Variants in ZNF638 observed in about 807,000 individuals in gnomAD.
ZNF638 encodes CTCL tumor antigen se33-1.
A neutral mutation model predicts 195.6 loss-of-function variants in ZNF638; 46 were observed. That is an observed-to-expected ratio of 0.24 (90% CI 0.19 to 0.30). ZNF638 has a LOEUF of 0.30. ZNF638 is among the 10% of genes least tolerant of loss of function. The probability of loss-of-function intolerance (pLI) is 1.00; values close to 1 mark genes in which losing one functional copy is unlikely to be tolerated. For missense variants in ZNF638, 2,440 were observed against 2,325.3 expected, an observed-to-expected ratio of 1.05 and a Z score of -1.01; for synonymous variants, 845 against 772.0, an observed-to-expected ratio of 1.09 and a Z score of -1.57.
chr2:71,366,519 G>GA lies in ZNF638; in HGVS notation c.1995+815dup, dbSNP rs568075850. ...CAAGGTTCAAAATCTCGTAGCTTAG[G>GA]AATTCCAGTGGTTTGGTATTTGATG... On this transcript the variant is annotated intron_variant, in intron 6 of 27. Coordinates refer to ENST00000264447, the MANE Select transcript of ZNF638 (RefSeq NM_014497.5). Among the ~76,000 whole-genome samples the GA allele has an allele frequency of 2.4e-3, 365 of 152,218 alleles. 1 individual carries two copies. Among genetic ancestry groups the GA allele is most frequent in the African/African-American group, 8.5e-3 (353 of 41,530 alleles).
chr2:71,387,386 C>T (rs917674862), intron 10 of ZNF638, among the ~76,000 whole-genome samples: 2 of 151,930 alleles, frequency 1.3e-5, no homozygotes, highest in Admixed American at 1.3e-4. Flanking sequence ...AGTAAAAGCA[C>T]TTTGCTTGGT....
intron 8 of ZNF638, among the ~76,000 whole-genome samples, chr2:71,372,564 A>G (rs1048883639): frequency 6.6e-6 from 1 of 152,178 alleles, no homozygotes. Flanking sequence ...ACCCTCGTCA[A>G]TGCCTCTTTC....
intron 12 of ZNF638, 111 bp downstream of exon 12, chr2:71,398,883 G>T: frequency 1.0e-6 from 1 of 995,028 alleles, no homozygotes; most frequent in Non-Finnish European, 1.5e-6. Flanking sequence ...ATATTTCCTT[G>T]ATATTTAAAA....
intron 8 of ZNF638, among the ~76,000 whole-genome samples, chr2:71,373,437 ATTTTTTTTTTTTTT>A (rs754117239): frequency 1.4e-5 from 1 of 71,012 alleles, no homozygotes; most frequent in African/African-American, 5.6e-5. Context: ...TCAAGTTTGA[ATTTTTTTTTTTTTT>A]TTTTTTTTTT....
intron 10 of ZNF638, among the ~76,000 whole-genome samples, chr2:71,389,149 T>G (rs998153380): frequency 5.3e-5 from 8 of 152,148 alleles, no homozygotes; most frequent in Non-Finnish European, 8.8e-5. Context: ...CTGCCATTAC[T>G]GGGTAAAGAT....
At chr2:71,432,198 A>G (rs1330124507) in intron 26 of ZNF638, among the ~76,000 whole-genome samples, 1 of 151,938 alleles carries the variant, frequency 6.6e-6, no homozygotes, top group African/African-American at 2.4e-5. Context: ...TAAGAGGTTT[A>G]TTTTTATTAT....
At chr2:71,402,618 G>A (rs1057059609) in intron 16 of ZNF638, among the ~76,000 whole-genome samples, 2 of 152,076 alleles carry the variant, frequency 1.3e-5, no homozygotes, top group Non-Finnish European at 2.9e-5. Flanking sequence ...GACTAATGAT[G>A]TCATCAATAC....
At chr2:71,363,628 T>C (rs2670756) in intron 4 of ZNF638, among the ~76,000 whole-genome samples, 141 of 152,254 alleles carry the variant, frequency 9.3e-4, no homozygotes, top group Non-Finnish European at 1.8e-3. Flanking sequence ...TTTCCTAAAT[T>C]CTTTACATAA....
At chr2:71,400,028 A>G (rs2079974697) in intron 13 of ZNF638, 84 bp from the exon 14 acceptor site, 1 of 1,168,080 alleles carries the variant, frequency 8.6e-7, no homozygotes, top group African/African-American at 1.6e-5. Flanking sequence ...TGAAATGTCA[A>G]ACTAGCTTAA....
At chr2:71,382,890 A>G (rs994286596) in intron 10 of ZNF638, among the ~76,000 whole-genome samples, 1 of 152,244 alleles carries the variant, frequency 6.6e-6, no homozygotes, top group Non-Finnish European at 1.5e-5. Context: ...AGACAGACCT[A>G]CTAACATAAT....
At chr2:71,403,112 G>A (rs1239586315) in intron 16 of ZNF638, among the ~76,000 whole-genome samples, 1 of 151,988 alleles carries the variant, frequency 6.6e-6, no homozygotes, top group Non-Finnish European at 1.5e-5. Context: ...GAGACTTAAT[G>A]AAAATACTTT....
At position 71,424,690 on chromosome 2, in the gene ZNF638, C is replaced by G. The variant is rs765609143; in HGVS notation, c.4565C>G (p.Thr1522Ser). The G allele has an allele frequency of 6.2e-7, 1 of 1,613,288 alleles. No individual in the cohort carries two copies. Among genetic ancestry groups the G allele is most frequent in the Non-Finnish European group, 8.5e-7 (1 of 1,179,682 alleles). Residue 1522 changes from threonine to serine, a missense_variant, in exon 23 of 28, where the codon ACT (threonine) becomes AGT (serine). Physicochemically the swap from Thr to Ser is moderately conservative, Grantham distance 58 (BLOSUM62 1). This residue lies in a region of ZNF638 where 1,883 missense variants were observed against 1,739.1 expected (regional missense o/e 1.08). Transcript: ENST00000264447. ...EQNTKNPKSTTGRSSKSKEEP... is the reference protein window; with the variant it reads ...EQNTKNPKSTSGRSSKSKEEP... ...AACACTAAGAATCCTAAAAGCACTACTGGTAGAAGTTCCAAATCTAAAGAG... is the reference window on the plus strand; with the variant it reads ...AACACTAAGAATCCTAAAAGCACTAGTGGTAGAAGTTCCAAATCTAAAGAG...
At chr2:71,370,031 T>A (rs773152621) in intron 8 of ZNF638, 26 bp downstream of exon 8, 8 of 1,578,002 alleles carry the variant, frequency 5.1e-6, no homozygotes, top group Non-Finnish European at 6.0e-6. Flanking sequence ...GTCTTAAATG[T>A]TTTATCACTG....
chr2:71,380,326 G>T lies in ZNF638; in HGVS notation c.2324+46G>T. On this transcript the variant is annotated intron_variant, in intron 9 of 27. Transcript: ENST00000264447. ...ATATGTGAGAATGAAATGTGCATATGACTTAAGAAATTTTAATTTTTAAAA... is the reference window on the plus strand; with the variant it reads ...ATATGTGAGAATGAAATGTGCATATTACTTAAGAAATTTTAATTTTTAAAA... 2.1e-6 allele frequency: 3 copies of T among 1,398,310 alleles called. No homozygotes were observed. In the South Asian group the frequency reaches 4.1e-5, roughly 19 times the overall value. The allele number at this position is 1,398,310 out of a possible 1,614,324, so 86.6% of individuals were successfully genotyped here. A position where few individuals can be genotyped will look rare whatever the true frequency, so the allele number is the denominator to read the frequency against.
rs1558833310 is a variant in ZNF638 at position 71,349,298 on chromosome 2, C to T, written c.344C>T (p.Ala115Val). 6.2e-7 allele frequency: 1 copy of T among 1,614,162 alleles called. No individual in the cohort carries two copies. Among genetic ancestry groups the T allele is most frequent in the Non-Finnish European group, 8.5e-7 (1 of 1,180,036 alleles). ...DDEPHISASVAVKQSSVTQVT... is the reference protein window; with the variant it reads ...DDEPHISASVVVKQSSVTQVT... ...GAGCCTCATATATCTGCATCAGTGG[C>T]AGTGAAACAGAGTTCTGTAACACAG... The change falls in exon 2 of 28, where the codon GCA becomes GTA. Residue 115 changes from alanine (A) to valine (V), a missense_variant. Ala to Val is a moderately conservative substitution (Grantham distance 64). Coordinates refer to ENST00000264447, the MANE Select transcript of ZNF638 (RefSeq NM_014497.5).
chr2:71,399,842 T>G (rs549687631), intron 13 of ZNF638, among the ~76,000 whole-genome samples, 197 bp downstream of exon 13: 1 of 152,314 alleles, frequency 6.6e-6, no homozygotes, highest in African/African-American at 2.4e-5. Context: ...CGTCCCATCC[T>G]CCACCTTCCA....
intron 1 of ZNF638, among the ~76,000 whole-genome samples, chr2:71,344,224 T>C (rs112532142): frequency 0.02 from 3,084 of 152,340 alleles, 39 homozygotes; most frequent in Middle Eastern, 0.024. Context: ...CTATCTTTTT[T>C]GTATGGATTC....
At chr2:71,393,944 T>C (rs543875228) in intron 10 of ZNF638, among the ~76,000 whole-genome samples, 81 of 152,302 alleles carry the variant, frequency 5.3e-4, no homozygotes, top group African/African-American at 1.9e-3. Flanking sequence ...AACACAATTA[T>C]GGCTACAAAT....
chr2:71,383,417 G>T (rs1329981477), intron 10 of ZNF638, among the ~76,000 whole-genome samples: 1 of 152,158 alleles, frequency 6.6e-6, no homozygotes, highest in Non-Finnish European at 1.5e-5. Context: ...AAAACTTTAT[G>T]ATTCCAAAGC....
Sources: allele counts gnomAD v4.1 joint callset (sites outside exome capture counted in the v4.1 genomes callset), GRCh38; gene constraint gnomAD v4.1.1; regional missense constraint gnomAD v4.1.1; transcripts MANE v1.5; gene names NCBI Gene and HGNC (gene_info 2026-07-23, HGNC 2026-07-21).